EBF1: variants seen among roughly 807,000 people sequenced by gnomAD.
The protein encoded by EBF1 is EBF transcription factor 1.
Under a neutral mutation model 68.4 loss-of-function variants are expected in EBF1, and 10 were observed. That is an observed-to-expected ratio of 0.15 (90% CI 0.09 to 0.25). EBF1 has a LOEUF of 0.25. Ranked by LOEUF, EBF1 falls within the 10% of genes least tolerant of loss-of-function variation. The pLI, the probability that EBF1 is intolerant of heterozygous loss-of-function variation, is 1.00. For synonymous variants in EBF1, 298 were observed against 299.8 expected, an observed-to-expected ratio of 0.99 and a Z score of 0.06; for missense variants, 509 against 794.4, an observed-to-expected ratio of 0.64 and a Z score of 4.32.
rs529628857 is a variant in EBF1 at position 158,744,671 on chromosome 5, A to G, written c.1037-13514T>C. Among the ~76,000 whole-genome samples, 28 of 152,326 alleles carry G rather than the reference A, an allele frequency of 1.8e-4. 1 individual carries two copies. Among genetic ancestry groups the G allele is most frequent in the Non-Finnish European group, 3.1e-4 (21 of 68,036 alleles). On this transcript the variant is annotated intron_variant, in intron 10 of 15. Transcript: ENST00000313708. ...TGAGGTTGGCAAACTTGTTTGCCCA[A>G]TTGTAGCTTAGCTTATCATAAGAGC...
intron 6 of EBF1, among the ~76,000 whole-genome samples, chr5:158,976,553 A>G (rs1390044868): frequency 3.9e-5 from 6 of 152,128 alleles, no homozygotes; most frequent in Non-Finnish European, 7.4e-5. Context: ...ATTGATCACA[A>G]TTAGATCATA....
intron 6 of EBF1, among the ~76,000 whole-genome samples, chr5:159,020,917 T>C (rs1766551419): frequency 6.6e-6 from 1 of 152,252 alleles, no homozygotes; most frequent in Non-Finnish European, 1.5e-5. Context: ...ATAATAGTTA[T>C]GAATAATATA....
At chr5:158,726,444 G>C (rs1763001668) in intron 11 of EBF1, among the ~76,000 whole-genome samples, 1 of 152,218 alleles carries the variant, frequency 6.6e-6, no homozygotes, top group Non-Finnish European at 1.5e-5. Flanking sequence ...AGTCTATTAA[G>C]TGGTGGTGTT....
intron 11 of EBF1, among the ~76,000 whole-genome samples, chr5:158,730,196 G>C (rs1260249040): frequency 6.6e-6 from 1 of 152,232 alleles, no homozygotes; most frequent in Non-Finnish European, 1.5e-5. Flanking sequence ...TCAGTAAACA[G>C]TGAATGCAAG....
chr5:158,731,272 G>C (rs1346066057), intron 10 of EBF1, 115 bp from the exon 11 acceptor site: 7 of 934,698 alleles, frequency 7.5e-6, no homozygotes, highest in Non-Finnish European at 1.1e-5. Context: ...TGATACTTTT[G>C]AATTGGATCA....
Position 158,708,181 on chromosome 5 carries a change from G to A in EBF1, c.1550-8C>T, listed in dbSNP as rs1252133128. 6.4e-7 allele frequency: 1 copy of A among 1,570,880 alleles called. No homozygotes were observed. The highest frequency in any genetic ancestry group is 1.2e-5 in the South Asian group (1 of 85,402). ...TGGGGCTGGATGGCACTACTGAGAG[G>A]GGCAATGAGAAAGGAGAAATCAGTG... On this transcript the variant is annotated splice_region_variant and splice_polypyrimidine_tract_variant and intron_variant, in intron 14 of 15. Coordinates refer to ENST00000313708, the MANE Select transcript of EBF1 (RefSeq NM_024007.5).
intron 15 of EBF1, among the ~76,000 whole-genome samples, chr5:158,703,584 A>G (rs1757211988): frequency 7.0e-6 from 1 of 143,168 alleles, no homozygotes; most frequent in African/African-American, 2.6e-5. Context: ...CCAGAAGTTG[A>G]GACTAGAGTT....
intron 4 of EBF1, among the ~76,000 whole-genome samples, chr5:159,092,600 A>G (rs1192213430): frequency 2.0e-5 from 3 of 152,252 alleles, no homozygotes; most frequent in Non-Finnish European, 2.9e-5. Context: ...CCCAAGATCA[A>G]GAACAGTTTA....
At chr5:159,083,550 T>A (rs1780094607) in intron 5 of EBF1, among the ~76,000 whole-genome samples, 1 of 152,192 alleles carries the variant, frequency 6.6e-6, no homozygotes, top group African/African-American at 2.4e-5. Context: ...AAATTGTATA[T>A]CCATACGTAA....
In EBF1 at chr5:159,084,581, A is replaced by C. The variant is rs1277439304; in HGVS notation, c.485+85T>G. 2.4e-6 allele frequency: 3 copies of C among 1,260,396 alleles called. No homozygotes were observed. In the African/African-American group the frequency reaches 4.6e-5, roughly 19 times the overall value. 78.1% of individuals were successfully genotyped at this position (1,260,396 alleles called of 1,614,324 possible). A position where few individuals can be genotyped will look rare whatever the true frequency, so the allele number is the denominator to read the frequency against. On this transcript the variant is annotated intron_variant, in intron 5 of 15. Transcript: ENST00000313708. ...AAGACAAATGTGTACCAAAAAAAAA[A>C]AAAAAGACCAAAGTTCACCAAGATT...
chr5:158,915,474 C>T (rs981177529), intron 6 of EBF1, among the ~76,000 whole-genome samples: 7 of 152,304 alleles, frequency 4.6e-5, no homozygotes, highest in Admixed American at 2.6e-4. Flanking sequence ...GCCACAGCAG[C>T]GGGGCCATCT....
At chr5:159,039,790 G>A (rs938731426) in intron 6 of EBF1, among the ~76,000 whole-genome samples, 1 of 152,142 alleles carries the variant, frequency 6.6e-6, no homozygotes, top group African/African-American at 2.4e-5. Flanking sequence ...AGCAAGACTT[G>A]GGCAGGGAGT....
chr5:158,995,918 A>T (rs1474362520), intron 6 of EBF1, among the ~76,000 whole-genome samples: 1 of 152,156 alleles, frequency 6.6e-6, no homozygotes, highest in African/African-American at 2.4e-5. Flanking sequence ...CCCCCAAAAC[A>T]TATTAGTGAA....
chr5:158,994,174 C>T (rs139757079), intron 6 of EBF1, among the ~76,000 whole-genome samples: 61 of 152,304 alleles, frequency 4.0e-4, no homozygotes, highest in African/African-American at 1.5e-3. Flanking sequence ...ACATCTCTAT[C>T]CCACCAACTT....
chr5:158,888,500 T>C (rs2128104004), intron 6 of EBF1, among the ~76,000 whole-genome samples: 1 of 152,296 alleles, frequency 6.6e-6, no homozygotes, highest in South Asian at 2.1e-4. Context: ...CAGAAAGCTT[T>C]CACAGCCAAT....
At chr5:158,760,855 G>A (rs1054402997) in intron 10 of EBF1, among the ~76,000 whole-genome samples, 1 of 152,014 alleles carries the variant, frequency 6.6e-6, no homozygotes, top group African/African-American at 2.4e-5. Context: ...CATAAATTTT[G>A]TGATTACTTT....
intron 6 of EBF1, chr5:158,983,530 A>G (rs1474853821): frequency 1.3e-5 from 2 of 152,200 alleles, no homozygotes; most frequent in African/African-American, 4.8e-5. Flanking sequence ...AAGCTCAAAG[A>G]CTACCTACCT....
At chr5:159,001,752 A>G (rs1199847780) in intron 6 of EBF1, among the ~76,000 whole-genome samples, 1 of 152,222 alleles carries the variant, frequency 6.6e-6, no homozygotes, top group Non-Finnish European at 1.5e-5. Flanking sequence ...AGGACCACAT[A>G]GCTGTTAAGC....
At chr5:159,093,303 G>C (rs1781984263) in intron 4 of EBF1, among the ~76,000 whole-genome samples, 1 of 152,080 alleles carries the variant, frequency 6.6e-6, no homozygotes, top group Non-Finnish European at 1.5e-5. Flanking sequence ...AAAGCACACA[G>C]GTAAGCTTTG....
Sources: gnomAD v4.1 joint callset for allele counts (sites outside exome capture counted in the v4.1 genomes callset) on GRCh38, gnomAD v4.1.1 for gene constraint, MANE v1.5 for transcripts, NCBI Gene and HGNC (gene_info 2026-07-23, HGNC 2026-07-21) for gene names.